The following RAB27B variants were observed in gnomAD, a reference collection of about 807,000 sequenced individuals.
The protein encoded by RAB27B is RAB27B, member RAS oncogene family, also known as ras-related protein Rab-27B.
In RAB27B, 15 loss-of-function variants were observed where a neutral mutation model predicts 24.6. The observed-to-expected ratio is 0.61, with a 90% CI of 0.41 to 0.94. The LOEUF (loss-of-function observed/expected upper bound fraction) is 0.94. Ranked by LOEUF, RAB27B falls within the 40% of genes least tolerant of loss-of-function variation. The pLI is 0.00. For missense variants in RAB27B, 261 were observed against 266.8 expected (o/e 0.98, Z 0.15); for synonymous variants, 105 against 92.5 (o/e 1.14, Z -0.78).
intron 2 of RAB27B, among the ~76,000 whole-genome samples, chr18:54,728,903 C>CAAAAAAA: frequency 1.5e-5 from 1 of 68,252 alleles, no homozygotes; most frequent in Non-Finnish European, 2.5e-5. Flanking sequence ...AAAAAAAACC[C>CAAAAAAA]AAAAAAAAAA....
At chr18:54,819,040 A>G (rs1260576146) in intron 2 of RAB27B, among the ~76,000 whole-genome samples, 1 of 151,708 alleles carries the variant, frequency 6.6e-6, no homozygotes, top group African/African-American at 2.4e-5. Flanking sequence ...TCCATAGAAC[A>G]GAAACCTACT....
At chr18:54,840,039 A>G (rs1819888) in intron 1 of RAB27B, among the ~76,000 whole-genome samples, 100,476 of 152,096 alleles carry the variant, frequency 0.66, 35,876 homozygotes, top group East Asian at 0.92. Flanking sequence ...CTTAATTGGA[A>G]ATAATGAAGC....
At chr18:54,842,668 T>C (rs1010416895) in intron 1 of RAB27B, among the ~76,000 whole-genome samples, 9 of 152,240 alleles carry the variant, frequency 5.9e-5, no homozygotes, top group African/African-American at 1.9e-4. Flanking sequence ...TTATGTCTTA[T>C]CTATCTACTC....
chr18:54,838,749 C>T (rs1323111693), intron 1 of RAB27B, among the ~76,000 whole-genome samples: 1 of 152,102 alleles, frequency 6.6e-6, no homozygotes, highest in Non-Finnish European at 1.5e-5. Flanking sequence ...CACATACCTA[C>T]AAATATTCCA....
intron 2 of RAB27B, among the ~76,000 whole-genome samples, chr18:54,823,232 G>A (rs1369124275): frequency 6.6e-6 from 1 of 152,232 alleles, no homozygotes; most frequent in East Asian, 1.9e-4. Flanking sequence ...CTTATGACTT[G>A]TTAGTCACAC....
chr18:54,871,651 C>T (rs1291320997), intron 1 of RAB27B, among the ~76,000 whole-genome samples: 2 of 151,776 alleles, frequency 1.3e-5, no homozygotes, highest in Admixed American at 6.6e-5. Flanking sequence ...GAGATCGAGA[C>T]CATCCTGACT....
At chr18:54,770,559 GTAA>G (rs1406175545) in intron 2 of RAB27B, among the ~76,000 whole-genome samples, 3 of 151,964 alleles carry the variant, frequency 2.0e-5, no homozygotes, top group African/African-American at 7.3e-5. Flanking sequence ...CTAGTGCAAT[GTAA>G]TAATAATCGA....
chr18:54,885,124 T>C (rs1465734961), intron 4 of RAB27B, among the ~76,000 whole-genome samples: 4 of 152,168 alleles, frequency 2.6e-5, no homozygotes, highest in Non-Finnish European at 5.9e-5. Context: ...GAATTTTCCT[T>C]TGTTTTACTT....
intron 3 of RAB27B, chr18:54,880,837 AG>A (rs1275932621): frequency 1.3e-5 from 2 of 152,164 alleles, no homozygotes; most frequent in African/African-American, 2.4e-5. Flanking sequence ...GGGAATACTC[AG>A]GGCAGGCTTC....
chr18:54,790,104 C>T (rs1311481303), intron 2 of RAB27B, among the ~76,000 whole-genome samples: 1 of 151,890 alleles, frequency 6.6e-6, no homozygotes, highest in Non-Finnish European at 1.5e-5. Flanking sequence ...CTGGTCATTC[C>T]ATTGTCAGGA....
At chr18:54,842,995 A>T (rs962081059) in intron 1 of RAB27B, among the ~76,000 whole-genome samples, 8 of 151,980 alleles carry the variant, frequency 5.3e-5, no homozygotes, top group African/African-American at 1.5e-4. Context: ...ACGGTGTTTC[A>T]CCGTGTTAGC....
chr18:54,841,440 G>A (rs1911118045), intron 1 of RAB27B, among the ~76,000 whole-genome samples: 1 of 152,120 alleles, frequency 6.6e-6, no homozygotes, highest in South Asian at 2.1e-4. Context: ...ACTATACAAG[G>A]ATTTGAGCAC....
chr18:54,736,757 A>C (rs1909909252), intron 2 of RAB27B, among the ~76,000 whole-genome samples: 1 of 152,108 alleles, frequency 6.6e-6, no homozygotes, highest in Non-Finnish European at 1.5e-5. Context: ...TTGAGTGAGG[A>C]ATTTCAGGAA....
chr18:54,769,936 T>C (rs960164057), intron 2 of RAB27B, among the ~76,000 whole-genome samples: 1 of 152,142 alleles, frequency 6.6e-6, no homozygotes, highest in African/African-American at 2.4e-5. Flanking sequence ...TGTGCAATCT[T>C]GGCTCAATGC....
chr18:54,887,367 C>T lies in RAB27B; in HGVS notation c.344-628C>T, dbSNP rs949573263. On this transcript the variant is annotated intron_variant, in intron 4 of 5. Transcript: ENST00000262094. ...AGGGAGCATTTCCCCAGATGTATTC[C>T]GTATTTACTGAATACTTACTATGTG... Among the ~76,000 whole-genome samples, 7 of 151,804 alleles carry T rather than the reference C, an allele frequency of 4.6e-5. No homozygotes were observed. The East Asian group carries it at 1.4e-3, about 30-fold the overall frequency.
intron 1 of RAB27B, among the ~76,000 whole-genome samples, chr18:54,830,871 C>T (rs534563521): frequency 5.9e-5 from 9 of 152,162 alleles, no homozygotes; most frequent in African/African-American, 2.2e-4. Context: ...TATCAAATGG[C>T]CAAAAAAATC....
At chr18:54,832,054 G>A (rs140751942) in intron 1 of RAB27B, among the ~76,000 whole-genome samples, 5,173 of 152,274 alleles carry the variant, frequency 0.034, 138 homozygotes, top group Admixed American at 0.077. Context: ...GATTACAGAT[G>A]TGAGCCACCG....
intron 2 of RAB27B, among the ~76,000 whole-genome samples, chr18:54,795,381 G>A (rs1598909843): frequency 6.6e-6 from 1 of 152,204 alleles, no homozygotes. Flanking sequence ...CACACAGAAA[G>A]CCAATCACTG....
chr18:54,745,017 G>C (rs1910192323), intron 2 of RAB27B: 1 of 179,080 alleles, frequency 5.6e-6, no homozygotes, highest in Admixed American at 5.9e-5. Flanking sequence ...GCTGAAGTTT[G>C]CTGCTACCAC....
Sources: gnomAD v4.1 joint callset for allele counts (sites outside exome capture counted in the v4.1 genomes callset) on GRCh38, gnomAD v4.1.1 for gene constraint, MANE v1.5 for transcripts, NCBI Gene and HGNC (gene_info 2026-07-23, HGNC 2026-07-21) for gene names.